GPT2: variants seen among roughly 807,000 people sequenced by gnomAD.
GPT2 encodes the protein alanine aminotransferase 2.
In GPT2, 30 loss-of-function variants were observed where a neutral mutation model predicts 56.9. The ratio of observed to expected loss-of-function variants is 0.53; its 90% CI spans 0.39 to 0.72. GPT2 has a LOEUF of 0.72. Ranked by LOEUF, GPT2 falls within the 30% of genes least tolerant of loss-of-function variation. The pLI, the probability that GPT2 is intolerant of heterozygous loss-of-function variation, is 0.00. For synonymous variants in GPT2, 271 were observed against 283.1 expected (o/e 0.96, Z 0.43); for missense variants, 542 against 703.4 (o/e 0.77, Z 2.60).
chr16:46,894,740 A>C (rs1344371288), intron 2 of GPT2, among the ~76,000 whole-genome samples: 1 of 151,174 alleles, frequency 6.6e-6, no homozygotes, highest in Non-Finnish European at 1.5e-5. Flanking sequence ...ATCTCGGCTC[A>C]CTGCAAGCTC....
intron 5 of GPT2, 124 bp downstream of exon 5, chr16:46,907,099 G>A (rs1202538611): frequency 1.6e-6 from 2 of 1,286,382 alleles, no homozygotes; most frequent in Admixed American, 2.0e-5. Flanking sequence ...CCACCCTCTG[G>A]TCCCCCAGCC....
chr16:46,899,811 C>G (rs1960781801), intron 3 of GPT2, among the ~76,000 whole-genome samples: 1 of 152,226 alleles, frequency 6.6e-6, no homozygotes. Context: ...ACAGGCCTTA[C>G]TCAGCCTTAT....
At chr16:46,924,209 G>C in intron 9 of GPT2, 180 bp from the exon 10 acceptor site, 1 of 702,782 alleles carries the variant, frequency 1.4e-6, no homozygotes. Flanking sequence ...TGGTGTGCAT[G>C]GGGCATGTGA....
intron 2 of GPT2, among the ~76,000 whole-genome samples, chr16:46,895,049 C>T (rs754970572): frequency 7.2e-5 from 11 of 152,128 alleles, no homozygotes; most frequent in Non-Finnish European, 1.6e-4. Context: ...CCCCCTTCCC[C>T]GAGAAACATA....
At chr16:46,916,562 T>G in intron 6 of GPT2, 66 bp from the exon 7 acceptor site, 1 of 1,246,442 alleles carries the variant, frequency 8.0e-7, no homozygotes. Flanking sequence ...CTGGATGGGC[T>G]TCTGACCTGG....
intron 2 of GPT2, among the ~76,000 whole-genome samples, chr16:46,895,535 C>CA (rs1264167182): frequency 1.3e-5 from 2 of 151,220 alleles, no homozygotes; most frequent in African/African-American, 4.9e-5. Flanking sequence ...AAAAAAAAAA[C>CA]AACAAAAAAA....
chr16:46,893,426 T>A (rs557440935), intron 2 of GPT2, among the ~76,000 whole-genome samples: 3 of 152,352 alleles, frequency 2.0e-5, no homozygotes, highest in Non-Finnish European at 4.4e-5. Context: ...TCACCGTGCC[T>A]GACCCTTTCC....
chr16:46,885,297 G>A, intron 2 of GPT2: 1 of 975,452 alleles, frequency 1.0e-6, no homozygotes, highest in South Asian at 4.8e-5. Context: ...GAAGAAAGAA[G>A]CAATAGAGTC....
chr16:46,902,189 G>A (rs1960832794), intron 4 of GPT2, among the ~76,000 whole-genome samples: 1 of 152,234 alleles, frequency 6.6e-6, no homozygotes, highest in Admixed American at 6.5e-5. Flanking sequence ...GGGGCTGAGA[G>A]ACTGTGTCCC....
rs200427767 is a variant in GPT2, at chr16:46,909,853, G to A, written c.746G>A (p.Arg249Gln). The change falls in exon 6 of 12, where the codon CGG becomes CAG. Residue 249 changes from arginine to glutamine, a missense_variant. By Grantham distance (43) the Arg-to-Gln change is conservative (BLOSUM62 1). Transcript: ENST00000340124. Reference sequence around the variant, plus strand: ...TGGGCGCTGAATGTGAATGAGCTCCGGCGGGCGGTGCAGGAGGCCAAAGAC... The same window carrying A: ...TGGGCGCTGAATGTGAATGAGCTCCAGCGGGCGGTGCAGGAGGCCAAAGAC... The part of the protein sequence containing the change: ...NCWALNVNEL[R>Q]RAVQEAKDHC... The A allele has an allele frequency of 4.6e-5, 74 of 1,614,158 alleles. 1 individual carries two copies. The Middle Eastern group carries it at 8.2e-4, about 18-fold the overall frequency.
chr16:46,915,059 A>C (rs1961115648), intron 6 of GPT2, among the ~76,000 whole-genome samples: 2 of 152,132 alleles, frequency 1.3e-5, no homozygotes, highest in Admixed American at 1.3e-4. Context: ...CTGGGACTAC[A>C]GCCATAAGCC....
At chr16:46,896,029 G>A (rs546587168) in intron 2 of GPT2, among the ~76,000 whole-genome samples, 1 of 152,260 alleles carries the variant, frequency 6.6e-6, no homozygotes, top group African/African-American at 2.4e-5. Flanking sequence ...CCTCCCACCC[G>A]GGCTGTGGCC....
Position 46,929,709 on chromosome 16 carries a change from TGA to T in GPT2, c.*714_*715del, listed in dbSNP as rs1170600213. On this transcript the variant is annotated 3_prime_UTR_variant, in exon 12 of 12. Transcript: ENST00000340124. Reference sequence around the variant, plus strand: ...CTGTGCGCCCGGCGGGCTTTGGGAATGAGGGGTTCCCTTGAACATGCGTAGGC... The same window carrying T: ...CTGTGCGCCCGGCGGGCTTTGGGAATGGGGTTCCCTTGAACATGCGTAGGC... 6.6e-6 allele frequency: 1 copy of T among 152,626 alleles called. No homozygotes were observed. The allele number at this position is 152,626 out of a possible 1,614,324, so 9.5% of individuals were successfully genotyped here.
intron 2 of GPT2, among the ~76,000 whole-genome samples, chr16:46,889,135 T>C (rs62059076): frequency 0.024 from 3,620 of 152,076 alleles, 55 homozygotes; most frequent in Non-Finnish European, 0.039. Context: ...CAAGCGATCC[T>C]TACACTTCAG....
At chr16:46,918,471 G>C in intron 7 of GPT2, 150 bp from the exon 8 acceptor site, 1 of 829,806 alleles carries the variant, frequency 1.2e-6, no homozygotes, top group Non-Finnish European at 1.9e-6. Context: ...GTTCCTTCAG[G>C]CACACTTGGC....
At chr16:46,925,641 G>A (rs970362165) in intron 10 of GPT2, among the ~76,000 whole-genome samples, 3 of 151,922 alleles carry the variant, frequency 2.0e-5, no homozygotes, top group Non-Finnish European at 2.9e-5. Flanking sequence ...GACCAGCCTG[G>A]GCAACATAGT....
chr16:46,891,001 G>A (rs1310950951), intron 2 of GPT2, among the ~76,000 whole-genome samples: 1 of 151,964 alleles, frequency 6.6e-6, no homozygotes, highest in Non-Finnish European at 1.5e-5. Flanking sequence ...AGCCTCCCGC[G>A]TAGCTGGGAT....
At chr16:46,921,291 A>G (rs562388856) in intron 8 of GPT2, among the ~76,000 whole-genome samples, 2 of 152,162 alleles carry the variant, frequency 1.3e-5, no homozygotes, top group Non-Finnish European at 2.9e-5. Context: ...CTCCTGCCTC[A>G]GCCTCCCAAG....
At chr16:46,889,487 T>A (rs1960547455) in intron 2 of GPT2, among the ~76,000 whole-genome samples, 1 of 151,980 alleles carries the variant, frequency 6.6e-6, no homozygotes, top group Admixed American at 6.6e-5. Context: ...ACTGCTAGCC[T>A]TGGGTGATCC....
Sources: gnomAD v4.1 joint callset for allele counts (sites outside exome capture counted in the v4.1 genomes callset) on GRCh38, gnomAD v4.1.1 for gene constraint, MANE v1.5 for transcripts, NCBI Gene and HGNC (gene_info 2026-07-23, HGNC 2026-07-21) for gene names.